The following RECK variants were observed in gnomAD, a reference collection of about 807,000 sequenced individuals.
RECK encodes reversion inducing cysteine rich protein with kazal motifs, also known as reversion-inducing cysteine-rich protein with Kazal motifs.
RECK carries 69 observed loss-of-function variants against 115.1 expected under a neutral mutation model. The observed-to-expected ratio is 0.60, with a 90% CI of 0.49 to 0.73. The LOEUF (loss-of-function observed/expected upper bound fraction) is 0.73. Ranked by LOEUF, RECK falls within the 30% of genes least tolerant of loss-of-function variation. The pLI is 0.00. For synonymous variants in RECK, 414 were observed against 419.7 expected (o/e 0.99, Z 0.17); for missense variants, 1,047 against 1,203.7 (o/e 0.87, Z 1.93).
chr9:36,107,674 A>T (rs886504809), intron 13 of RECK, among the ~76,000 whole-genome samples: 2 of 151,746 alleles, frequency 1.3e-5, no homozygotes, highest in Non-Finnish European at 2.9e-5. Context: ...ATTTTAAAAT[A>T]TTTTTTACTA....
chr9:36,065,717 T>C lies in RECK; in HGVS notation c.405+93T>C, dbSNP rs552470854. ...AATTTTTAAAATGAATTTATTTTTA[T>C]ACAACTTCCCTTTTACCTTACAGAA... On this transcript the variant is annotated intron_variant, in intron 6 of 20. Coordinates refer to ENST00000377966, the MANE Select transcript of RECK (RefSeq NM_021111.3). 99 of 1,031,642 alleles carry C rather than the reference T, an allele frequency of 9.6e-5. 1 individual carries two copies. In the South Asian group the frequency reaches 3.0e-3, roughly 31 times the overall value. The allele number at this position is 1,031,642 out of a possible 1,614,324, so 63.9% of individuals were successfully genotyped here. A position where few individuals can be genotyped will look rare whatever the true frequency, so the allele number is the denominator to read the frequency against.
chr9:36,054,249 G>A (rs1330498339), intron 2 of RECK, among the ~76,000 whole-genome samples: 1 of 152,132 alleles, frequency 6.6e-6, no homozygotes, highest in Non-Finnish European at 1.5e-5. Context: ...CATTCTTGAT[G>A]ACTCTAGGAG....
Position 36,120,679 on chromosome 9 carries a change from A to G in RECK, c.2481A>G (p.Leu827=). 6.2e-7 allele frequency: 1 copy of G among 1,613,218 alleles called. No individual in the cohort carries two copies. The highest frequency in any genetic ancestry group is 8.5e-7 in the Non-Finnish European group (1 of 1,179,194). ...PIIPPGACCP[L]CAGMLRVLFD... is the part of the protein sequence containing the mutation. ...GTTATACAGGTGCTTGTTGCCCATT[A>G]TGTGCTGGGATGTTAAGAGTTTTAT... The change falls in exon 19 of 21, where the codon TTA becomes TTG. Residue 827 remains leucine, a synonymous_variant. Coordinates refer to ENST00000377966, the MANE Select transcript of RECK (RefSeq NM_021111.3).
At position 36,112,358 on chromosome 9, in the gene RECK, C is replaced by T. The variant is rs770841323; in HGVS notation, c.1942C>T (p.Arg648Cys). 22 of 1,613,584 alleles carry T rather than the reference C, an allele frequency of 1.4e-5. 1 individual carries two copies. The highest frequency in any genetic ancestry group is 8.8e-5 in the South Asian group (8 of 91,056). ...QFVPVCGQNG[R>C]TYPSACIARC... Reference sequence around the variant, plus strand: ...TGTCCCTGTATGTGGGCAGAATGGGCGCACTTACCCCAGTGCCTGCATTGC... The same window carrying T: ...TGTCCCTGTATGTGGGCAGAATGGGTGCACTTACCCCAGTGCCTGCATTGC... Residue 648 changes from arginine (R) to cysteine (C), a missense_variant, in exon 16 of 21, where the codon CGC (arginine) becomes TGC (cysteine). Physicochemically the swap from Arg to Cys is radical, Grantham distance 180 (BLOSUM62 -3). Transcript: ENST00000377966.
intron 3 of RECK, 152 bp from the exon 4 acceptor site, chr9:36,059,967 G>A (rs562672323): frequency 1.4e-5 from 9 of 646,186 alleles, no homozygotes; most frequent in South Asian, 4.1e-5. Context: ...TGTTCCCCCC[G>A]AATAGCTGAT....
chr9:36,120,230 G>A (rs938483166), intron 18 of RECK, among the ~76,000 whole-genome samples: 15 of 143,936 alleles, frequency 1.0e-4, no homozygotes, highest in Admixed American at 2.0e-4. Flanking sequence ...GCGAGACTCT[G>A]TCTCAAAAAA....
intron 12 of RECK, among the ~76,000 whole-genome samples, chr9:36,104,298 A>G (rs1237636445): frequency 0.041 from 2,044 of 50,198 alleles, 109 homozygotes; most frequent in African/African-American, 0.2. Context: ...GTGTGTATAT[A>G]TATATATATA....
rs1045796429 is a variant in RECK, at chr9:36,123,882, A to G, written c.*837A>G. 6.5e-6 allele frequency: 1 copy of G among 152,686 alleles called. No homozygotes were observed. Among genetic ancestry groups the G allele is most frequent in the East Asian group, 1.9e-4 (1 of 5,206 alleles). 9.5% of individuals were successfully genotyped at this position (152,686 alleles called of 1,614,324 possible). On this transcript the variant is annotated 3_prime_UTR_variant, in exon 21 of 21. Coordinates refer to ENST00000377966, the MANE Select transcript of RECK (RefSeq NM_021111.3). The stretch of plus-strand genomic sequence containing the variant: ...GCTGCTACTTATATAATTGCCAAAA[A>G]GTGAAATAATGTGTAGTTCATGTAA...
chr9:36,070,820 G>T (rs1362377711), intron 6 of RECK, among the ~76,000 whole-genome samples: 2 of 152,170 alleles, frequency 1.3e-5, no homozygotes, highest in African/African-American at 4.8e-5. Context: ...TGTTTTGATT[G>T]TGGGGTCACC....
Position 36,100,448 on chromosome 9 carries a change from T to C in RECK, c.1203T>C (p.Asp401=). The C allele has an allele frequency of 3.7e-6, 6 of 1,614,088 alleles. No homozygotes were observed. Among genetic ancestry groups the C allele is most frequent in the Non-Finnish European group, 5.1e-6 (6 of 1,179,932 alleles). Residue 401 remains aspartate, a synonymous_variant, in exon 11 of 21, where the codon GAT becomes GAC. Coordinates refer to ENST00000377966, the MANE Select transcript of RECK (RefSeq NM_021111.3). ...KMPFINIPVL[D]IKKCQPEMWK... ...CATTTATCAATATACCTGTTCTTGA[T>C]ATTAAAAAGTGCCAGCCAGAGATGT...
At chr9:36,078,585 G>A (rs778512283) in intron 6 of RECK, among the ~76,000 whole-genome samples, 6 of 152,012 alleles carry the variant, frequency 3.9e-5, no homozygotes, top group East Asian at 3.9e-4. Flanking sequence ...GTCTCCAGGC[G>A]CTGCCAAATG....
At chr9:36,039,974 T>C (rs1820814485) in intron 1 of RECK, among the ~76,000 whole-genome samples, 1 of 152,206 alleles carries the variant, frequency 6.6e-6, no homozygotes, top group Admixed American at 6.5e-5. Flanking sequence ...AATAATACTT[T>C]TCACTGTGTG....
At chr9:36,060,047 T>C in intron 3 of RECK, 72 bp from the exon 4 acceptor site, 6 of 1,406,940 alleles carry the variant, frequency 4.3e-6, no homozygotes, top group Non-Finnish European at 6.0e-6. Context: ...GTTCATAATT[T>C]CTGTAGAAAT....
chr9:36,055,951 A>G (rs1447427207), intron 2 of RECK, among the ~76,000 whole-genome samples: 30 of 151,498 alleles, frequency 2.0e-4, no homozygotes, highest in Admixed American at 2.0e-3. Context: ...TCTCTTTTCC[A>G]TTCTTTCTTA....
intron 6 of RECK, among the ~76,000 whole-genome samples, chr9:36,067,910 A>G (rs542488460): frequency 2.0e-5 from 3 of 152,308 alleles, no homozygotes; most frequent in African/African-American, 7.2e-5. Flanking sequence ...GTAAAGACCT[A>G]AAGACCTAAG....
intron 6 of RECK, among the ~76,000 whole-genome samples, chr9:36,078,401 A>T (rs138994136): frequency 6.6e-6 from 1 of 152,244 alleles, no homozygotes; most frequent in Non-Finnish European, 1.5e-5. Flanking sequence ...GAACAAATGT[A>T]TAAGTCTCTA....
intron 9 of RECK, among the ~76,000 whole-genome samples, chr9:36,090,566 C>T (rs1367953537): frequency 6.6e-6 from 1 of 152,004 alleles, no homozygotes; most frequent in African/African-American, 2.4e-5. Flanking sequence ...AATGTTTTAG[C>T]TATATACACA....
chr9:36,116,125 C>CTTT (rs11313050), intron 16 of RECK, among the ~76,000 whole-genome samples: 6 of 124,452 alleles, frequency 4.8e-5, no homozygotes, highest in South Asian at 2.6e-4. Context: ...AGAGTGAGGC[C>CTTT]TTTTTTTTTT....
At chr9:36,098,363 A>C in intron 10 of RECK, among the ~76,000 whole-genome samples, 1 of 152,230 alleles carries the variant, frequency 6.6e-6, no homozygotes, top group Non-Finnish European at 1.5e-5. Flanking sequence ...ATTTAAAAGA[A>C]ATAGCCATCT....
Sources: gnomAD v4.1 joint callset for allele counts (sites outside exome capture counted in the v4.1 genomes callset) on GRCh38, gnomAD v4.1.1 for gene constraint, MANE v1.5 for transcripts, NCBI Gene and HGNC (gene_info 2026-07-23, HGNC 2026-07-21) for gene names.